Variants in KLHL1 observed in about 807,000 individuals in gnomAD.
KLHL1 encodes the protein kelch-like protein 1.
Under a neutral mutation model 77.7 loss-of-function variants are expected in KLHL1, and 47 were observed. The ratio of observed to expected loss-of-function variants is 0.60; its 90% CI spans 0.48 to 0.77. The LOEUF (loss-of-function observed/expected upper bound fraction) is 0.77, where lower values mean the gene tolerates loss of function less well. Ranked by LOEUF, KLHL1 falls within the 30% of genes least tolerant of loss-of-function variation. The pLI is 0.00. For missense variants in KLHL1, 925 were observed against 910.8 expected (o/e 1.02, Z -0.20); for synonymous variants, 360 against 325.2 (o/e 1.11, Z -1.15).
At chr13:69,962,872 T>C (rs1884109721) in intron 2 of KLHL1, among the ~76,000 whole-genome samples, 1 of 152,154 alleles carries the variant, frequency 6.6e-6, no homozygotes, top group Non-Finnish European at 1.5e-5. Context: ...CTTTAAGATC[T>C]TTCAGAAATT....
At chr13:70,009,450 C>T (rs1442230204) in intron 1 of KLHL1, among the ~76,000 whole-genome samples, 1 of 152,116 alleles carries the variant, frequency 6.6e-6, no homozygotes, top group Non-Finnish European at 1.5e-5. Flanking sequence ...ATGTGGGAAA[C>T]CCAATTTATT....
At chr13:69,778,009 A>G (rs1415230301) in intron 7 of KLHL1, among the ~76,000 whole-genome samples, 2 of 151,848 alleles carry the variant, frequency 1.3e-5, no homozygotes, top group Admixed American at 6.6e-5. Context: ...AATATTTATA[A>G]TTCATATTAT....
intron 1 of KLHL1, among the ~76,000 whole-genome samples, chr13:70,080,995 A>T (rs1887378707): frequency 6.6e-6 from 1 of 152,182 alleles, no homozygotes; most frequent in Non-Finnish European, 1.5e-5. Flanking sequence ...TTCTCTTCCC[A>T]AAAAACATTG....
intron 4 of KLHL1, among the ~76,000 whole-genome samples, chr13:69,898,387 T>C (rs1172950756): frequency 6.6e-6 from 1 of 152,128 alleles, no homozygotes; most frequent in Non-Finnish European, 1.5e-5. Flanking sequence ...CAGAGTTTAA[T>C]GGAGAGGTGG....
At chr13:70,052,875 A>T (rs954667357) in intron 1 of KLHL1, among the ~76,000 whole-genome samples, 1 of 152,040 alleles carries the variant, frequency 6.6e-6, no homozygotes, top group African/African-American at 2.4e-5. Flanking sequence ...TTATCTTCTA[A>T]ATAATTTATT....
At chr13:69,770,834 C>T (rs932427995) in intron 7 of KLHL1, among the ~76,000 whole-genome samples, 12 of 152,244 alleles carry the variant, frequency 7.9e-5, no homozygotes, top group Admixed American at 2.0e-4. Context: ...CTGCAACCTC[C>T]GCCTCCTGGG....
intron 6 of KLHL1, among the ~76,000 whole-genome samples, chr13:69,819,942 G>T (rs1433989120): frequency 6.6e-6 from 1 of 152,066 alleles, no homozygotes; most frequent in Non-Finnish European, 1.5e-5. Context: ...AAAGTCAGAG[G>T]GCTCTCTGCT....
At position 69,903,630 on chromosome 13, in the gene KLHL1, C is replaced by CTTTTTTTT. The variant is rs35761520; in HGVS notation, c.1015-21143_1015-21136dup. 6.2e-3 allele frequency among the ~76,000 whole-genome samples: 312 copies of CTTTTTTTT among 50,200 alleles called. 90 individuals are homozygous for CTTTTTTTT. The highest frequency in any genetic ancestry group is 0.016 in the East Asian group (22 of 1,334). 32.9% of individuals were successfully genotyped at this position (50,200 alleles called of 152,430 possible). A position where few individuals can be genotyped will look rare whatever the true frequency, so the allele number is the denominator to read the frequency against. ...TTTGCAGAAAACCCTTGTTCACATT[C>CTTTTTTTT]TTTTTTTTTTTTTTTTTTTTTTTTT... On this transcript the variant is annotated intron_variant, in intron 4 of 10. Transcript: ENST00000377844.
intron 3 of KLHL1, among the ~76,000 whole-genome samples, chr13:69,946,234 C>A (rs544638470): frequency 1.3e-5 from 2 of 151,888 alleles, no homozygotes; most frequent in Admixed American, 6.6e-5. Context: ...AAACATTTGA[C>A]GATTATAGAT....
intron 6 of KLHL1, among the ~76,000 whole-genome samples, chr13:69,810,574 C>T (rs949891010): frequency 1.3e-5 from 2 of 151,888 alleles, no homozygotes; most frequent in African/African-American, 2.4e-5. Context: ...ACATCTACAT[C>T]GAGAAGATAG....
intron 6 of KLHL1, among the ~76,000 whole-genome samples, chr13:69,835,692 CAGAA>C (rs1433171289): frequency 1.3e-5 from 2 of 151,940 alleles, no homozygotes; most frequent in African/African-American, 4.8e-5. Context: ...TTACCTGACA[CAGAA>C]GGAATCAAAC....
intron 6 of KLHL1, among the ~76,000 whole-genome samples, chr13:69,833,835 A>G (rs1030987243): frequency 4.1e-5 from 6 of 145,360 alleles, no homozygotes; most frequent in Non-Finnish European, 9.0e-5. Context: ...ATGTATACAT[A>G]TATATATACA....
chr13:70,075,516 T>C (rs1457896767), intron 1 of KLHL1, among the ~76,000 whole-genome samples: 1 of 145,412 alleles, frequency 6.9e-6, no homozygotes, highest in Non-Finnish European at 1.5e-5. Context: ...TATATATAAT[T>C]ATTGCATACT....
intron 1 of KLHL1, among the ~76,000 whole-genome samples, chr13:70,062,565 A>C (rs962768688): frequency 6.6e-6 from 1 of 152,196 alleles, no homozygotes; most frequent in East Asian, 1.9e-4. Flanking sequence ...CATTCTGCAC[A>C]TGTACCCCAG....
At chr13:69,745,884 G>A (rs1874191522) in intron 7 of KLHL1, among the ~76,000 whole-genome samples, 1 of 151,548 alleles carries the variant, frequency 6.6e-6, no homozygotes, top group South Asian at 2.1e-4. Context: ...AATATCAATT[G>A]AGATGGTATT....
chr13:69,779,126 C>G (rs1283131661), intron 7 of KLHL1, among the ~76,000 whole-genome samples: 1 of 152,012 alleles, frequency 6.6e-6, no homozygotes, highest in Non-Finnish European at 1.5e-5. Flanking sequence ...TTCTTTTCCG[C>G]AACACCTGAT....
At chr13:70,016,624 CG>C (rs1885664561) in intron 1 of KLHL1, among the ~76,000 whole-genome samples, 1 of 152,152 alleles carries the variant, frequency 6.6e-6, no homozygotes, top group South Asian at 2.1e-4. Context: ...CGATGAGGAT[CG>C]AAGGGAGGCT....
At chr13:70,037,638 A>G (rs1886272528) in intron 1 of KLHL1, among the ~76,000 whole-genome samples, 1 of 151,940 alleles carries the variant, frequency 6.6e-6, no homozygotes, top group South Asian at 2.1e-4. Flanking sequence ...TATATGTTAG[A>G]ACTTAACCCT....
intron 1 of KLHL1, among the ~76,000 whole-genome samples, chr13:70,066,966 T>C (rs1378971725): frequency 1.3e-5 from 2 of 152,222 alleles, no homozygotes; most frequent in African/African-American, 4.8e-5. Flanking sequence ...CATAAGTCTT[T>C]AGTGTTTTAA....
Sources: gnomAD v4.1 joint callset for allele counts (sites outside exome capture counted in the v4.1 genomes callset) on GRCh38, gnomAD v4.1.1 for gene constraint, MANE v1.5 for transcripts, NCBI Gene and HGNC (gene_info 2026-07-23, HGNC 2026-07-21) for gene names.